VPS35L: variants seen among roughly 807,000 people sequenced by gnomAD.
The protein encoded by VPS35L is VPS35 endosomal protein sorting factor like.
In VPS35L, 83 loss-of-function variants were observed where a neutral mutation model predicts 133.0. The ratio of observed to expected loss-of-function variants is 0.62; its 90% CI spans 0.52 to 0.75. VPS35L has a LOEUF of 0.75. Among genes scored for constraint, VPS35L ranks in the 30% least tolerant of loss-of-function variants. VPS35L has a pLI of 0.00. For synonymous variants in VPS35L, 423 were observed against 449.9 expected (o/e 0.94, Z 0.76); for missense variants, 1,083 against 1,206.8 (o/e 0.90, Z 1.52).
intron 7 of VPS35L, among the ~76,000 whole-genome samples, chr16:19,589,694 T>C (rs1420341152): frequency 1.3e-5 from 2 of 152,270 alleles, no homozygotes; most frequent in African/African-American, 4.8e-5. Context: ...GCTTTAACTT[T>C]GGATTAAAAA....
intron 7 of VPS35L, among the ~76,000 whole-genome samples, chr16:19,587,574 C>G (rs905254210): frequency 6.7e-6 from 1 of 148,914 alleles, no homozygotes; most frequent in Non-Finnish European, 1.5e-5. Flanking sequence ...GCGGAGGTTG[C>G]GGTGAGCCAA....
Position 19,644,967 on chromosome 16 carries a change from A to G in VPS35L, c.1929+18A>G, listed in dbSNP as rs1973893834. 6.6e-7 allele frequency: 1 copy of G among 1,524,270 alleles called. No individual in the cohort carries two copies. Among genetic ancestry groups the G allele is most frequent in the Non-Finnish European group, 9.1e-7 (1 of 1,102,502 alleles). The allele number at this position is 1,524,270 out of a possible 1,614,324, so 94.4% of individuals were successfully genotyped here. A position where few individuals can be genotyped will look rare whatever the true frequency, so the allele number is the denominator to read the frequency against. ...TAAAAATGGTAAGTATTAGGGAAGAAGTTTCAGTGCACTTGGAAGTGTGAT... is the reference window on the plus strand; with the variant it reads ...TAAAAATGGTAAGTATTAGGGAAGAGGTTTCAGTGCACTTGGAAGTGTGAT... On this transcript the variant is annotated intron_variant, in intron 23 of 30. Coordinates refer to ENST00000417362, the MANE Select transcript of VPS35L (RefSeq NM_020314.7).
At chr16:19,584,118 G>C (rs967303801) in intron 7 of VPS35L, among the ~76,000 whole-genome samples, 1 of 152,202 alleles carries the variant, frequency 6.6e-6, no homozygotes, top group Middle Eastern at 3.4e-3. Flanking sequence ...TATACATTTA[G>C]ATTGATTTCA....
intron 18 of VPS35L, among the ~76,000 whole-genome samples, chr16:19,630,623 C>T (rs567415903): frequency 2.4e-4 from 36 of 152,130 alleles, no homozygotes; most frequent in East Asian, 1.9e-3. Flanking sequence ...CGTGAGCCAC[C>T]GCACCTGGCC....
At chr16:19,697,321 A>G (rs1975950555) in intron 29 of VPS35L, among the ~76,000 whole-genome samples, 1 of 152,144 alleles carries the variant, frequency 6.6e-6, no homozygotes, top group Non-Finnish European at 1.5e-5. Context: ...CACCTTGCCC[A>G]ACTGCATTTG....
At chr16:19,614,970 T>C (rs970083363) in intron 12 of VPS35L, among the ~76,000 whole-genome samples, 1 of 152,246 alleles carries the variant, frequency 6.6e-6, no homozygotes, top group African/African-American at 2.4e-5. Flanking sequence ...TTCATGCTCA[T>C]GTTATATAAA....
At chr16:19,682,438 A>G in intron 28 of VPS35L, 48 bp downstream of exon 28, 1 of 1,567,632 alleles carries the variant, frequency 6.4e-7, no homozygotes, top group Non-Finnish European at 8.7e-7. Context: ...GATTTCATGA[A>G]AGGCAGACAG....
At chr16:19,684,520 C>A (rs1353108531) in intron 28 of VPS35L, among the ~76,000 whole-genome samples, 1 of 152,142 alleles carries the variant, frequency 6.6e-6, no homozygotes, top group Non-Finnish European at 1.5e-5. Context: ...AGAATGATGG[C>A]GCCTACCCTG....
intron 26 of VPS35L, among the ~76,000 whole-genome samples, chr16:19,654,556 AAAAG>A (rs1026178085): frequency 8.5e-5 from 13 of 152,162 alleles, no homozygotes; most frequent in Middle Eastern, 3.4e-3. Context: ...GAAAAAAAAA[AAAAG>A]AAAGAAACAA....
Position 19,637,653 on chromosome 16 carries a change from A to G in VPS35L, c.1695A>G (p.Ser565=). The G allele has an allele frequency of 1.9e-6, 3 of 1,570,284 alleles. No individual in the cohort carries two copies. The highest frequency in any genetic ancestry group is 1.2e-5 in the South Asian group (1 of 84,768). Residue 565 remains serine, a synonymous_variant, in exon 20 of 31, where the codon TCA becomes TCG. Coordinates refer to ENST00000417362, the MANE Select transcript of VPS35L (RefSeq NM_020314.7). ...TCCATGACTTCTCAGTTCTTTTCTCAGTGGTAAGTAGGATTTCTTAATTAT... is the reference window on the plus strand; with the variant it reads ...TCCATGACTTCTCAGTTCTTTTCTCGGTGGTAAGTAGGATTTCTTAATTAT... ...AHFHDFSVLF[S]VEKFLPFLDM...
intron 20 of VPS35L, among the ~76,000 whole-genome samples, chr16:19,638,695 C>G (rs113872509): frequency 6.6e-6 from 1 of 152,192 alleles, no homozygotes; most frequent in Non-Finnish European, 1.5e-5. Flanking sequence ...AAGTGACTAA[C>G]GAGCAGGTAG....
chr16:19,669,018 A>G, intron 26 of VPS35L, 142 bp from the exon 27 acceptor site: 1 of 701,570 alleles, frequency 1.4e-6, no homozygotes, highest in Non-Finnish European at 2.2e-6. Flanking sequence ...CATGGTTTGC[A>G]GAAACCTTCT....
intron 2 of VPS35L, among the ~76,000 whole-genome samples, chr16:19,566,213 T>C (rs1971183940): frequency 6.6e-6 from 1 of 152,084 alleles, no homozygotes; most frequent in Non-Finnish European, 1.5e-5. Flanking sequence ...AGAAAATTCT[T>C]GGCCGGGCTC....
In VPS35L at chr16:19,607,953, A is replaced by G. The variant is rs1972585990; in HGVS notation, c.785-225A>G. ...CCTCAGAGGGTTGCTATATGGGATC[A>G]GGTGAGCTGTCTGTAAAGCACTGCG... On this transcript the variant is annotated intron_variant, in intron 9 of 30. Coordinates refer to ENST00000417362, the MANE Select transcript of VPS35L (RefSeq NM_020314.7). The G allele has an allele frequency of 7.9e-6, 4 of 506,046 alleles. No individual in the cohort carries two copies. In the Admixed American group the frequency reaches 9.9e-5, roughly 13 times the overall value. 31.3% of individuals were successfully genotyped at this position (506,046 alleles called of 1,614,324 possible).
chr16:19,693,411 T>C (rs997501758), intron 29 of VPS35L, among the ~76,000 whole-genome samples: 9 of 151,626 alleles, frequency 5.9e-5, no homozygotes, highest in Admixed American at 1.3e-4. Context: ...GAGGCCCAGG[T>C]GGGAGGATTA....
chr16:19,564,224 T>A (rs1231327930), intron 1 of VPS35L, among the ~76,000 whole-genome samples: 2 of 151,902 alleles, frequency 1.3e-5, no homozygotes, highest in East Asian at 3.9e-4. Context: ...ATTACAGACA[T>A]GTGCCACCAC....
In VPS35L at chr16:19,629,086, A is replaced by T. The variant is rs528672304; in HGVS notation, c.1500+333A>T. On this transcript the variant is annotated intron_variant, in intron 17 of 30. Coordinates refer to ENST00000417362, the MANE Select transcript of VPS35L (RefSeq NM_020314.7). ...CCACTTTGCCCGGCCTGCCATTTAA[A>T]CTTTAAATCAACCACTTTTTGTCCA... is the stretch of plus-strand genomic sequence containing the variant. 9.2e-5 allele frequency among the ~76,000 whole-genome samples: 14 copies of T among 152,224 alleles called. No homozygotes were observed. In the East Asian group the frequency reaches 2.7e-3, roughly 29 times the overall value.
chr16:19,589,222 C>T (rs964814588), intron 7 of VPS35L, among the ~76,000 whole-genome samples: 1 of 152,034 alleles, frequency 6.6e-6, no homozygotes, highest in South Asian at 2.1e-4. Context: ...TGAATGTATG[C>T]ATTTGTTGTG....
chr16:19,583,011 A>G lies in VPS35L; in HGVS notation c.639+1358A>G, dbSNP rs139061511. ...GGTGAAACCCATCTCTACTAAAAAT[A>G]CAAAAATTAGCCAGGCTAATTTGCT... is the stretch of plus-strand genomic sequence containing the variant. On this transcript the variant is annotated intron_variant, in intron 7 of 30. Transcript: ENST00000417362. Among the ~76,000 whole-genome samples the G allele has an allele frequency of 9.2e-5, 14 of 152,268 alleles. 1 individual carries two copies. In the East Asian group the frequency reaches 2.5e-3, roughly 27 times the overall value.
Sources: allele counts gnomAD v4.1 joint callset (sites outside exome capture counted in the v4.1 genomes callset), GRCh38; gene constraint gnomAD v4.1.1; transcripts MANE v1.5; gene names NCBI Gene and HGNC (gene_info 2026-07-23, HGNC 2026-07-21).